The following PHF2 variants were observed in gnomAD, a reference collection of about 807,000 sequenced individuals.
The protein encoded by PHF2 is PHD finger protein 2.
A neutral mutation model predicts 120.5 loss-of-function variants in PHF2; 27 were observed. That is an observed-to-expected ratio of 0.22 (90% CI 0.17 to 0.31). PHF2 has a LOEUF of 0.31. Ranked by LOEUF, PHF2 falls within the 10% of genes least tolerant of loss-of-function variation. The probability of loss-of-function intolerance (pLI) is 1.00; values close to 1 mark genes in which losing one functional copy is unlikely to be tolerated. For missense variants in PHF2, 1,024 were observed against 1,434.8 expected (o/e 0.71, Z 4.63); for synonymous variants, 568 against 592.5 (o/e 0.96, Z 0.60).
intron 6 of PHF2, 123 bp downstream of exon 6, chr9:93,653,488 T>C (rs1479263596): frequency 3.0e-6 from 3 of 990,372 alleles, no homozygotes; most frequent in Non-Finnish European, 4.5e-6. Flanking sequence ...CCCTGGACTG[T>C]CCATCCCTGG....
At chr9:93,588,836 A>G (rs1863115170) in intron 1 of PHF2, among the ~76,000 whole-genome samples, 1 of 152,212 alleles carries the variant, frequency 6.6e-6, no homozygotes, top group Admixed American at 6.5e-5. Context: ...AGTTGCAGTG[A>G]GCCGAAACTG....
At position 93,679,486 on chromosome 9, in the gene PHF2, T is replaced by C. The variant is rs1826982864; in HGVS notation, c.*1810T>C. ...AGTTTATCGTGGCTATTAAAGTGTT[T>C]TATTTCCCAATTCATATTACTCTTG... On this transcript the variant is annotated 3_prime_UTR_variant, in exon 22 of 22. Coordinates refer to ENST00000359246, the MANE Select transcript of PHF2 (RefSeq NM_005392.4). 1 of 304,234 alleles carries C rather than the reference T, an allele frequency of 3.3e-6. No homozygotes were observed. The highest frequency in any genetic ancestry group is 9.9e-5 in the East Asian group (1 of 10,058). The allele number at this position is 304,234 out of a possible 1,614,324, so 18.8% of individuals were successfully genotyped here.
Position 93,676,625 on chromosome 9 carries a change from C to A in PHF2, c.2864C>A (p.Ala955Asp). 6.2e-7 allele frequency: 1 copy of A among 1,606,258 alleles called. No individual in the cohort carries two copies. The highest frequency in any genetic ancestry group is 8.5e-7 in the Non-Finnish European group (1 of 1,174,786). ...EEQKSKKKKS[A>D]KRKLTPNTTS... Reference sequence around the variant, plus strand: ...CAGAAAAGCAAGAAAAAAAAGAGTGCCAAGAGGAAGCTGACTCCTAACACC... The same window carrying A: ...CAGAAAAGCAAGAAAAAAAAGAGTGACAAGAGGAAGCTGACTCCTAACACC... The change falls in exon 21 of 22, where the codon GCC becomes GAC. Residue 955 changes from alanine (A) to aspartate (D), a missense_variant. Physicochemically the swap from Ala to Asp is moderately radical, Grantham distance 126. This residue lies in a region of PHF2 where 677 missense variants were observed against 857.4 expected (regional missense o/e 0.79). Coordinates refer to ENST00000359246, the MANE Select transcript of PHF2 (RefSeq NM_005392.4).
rs1826983278 is a variant in PHF2 at position 93,679,500 on chromosome 9, A to T, written c.*1824A>T. 3.3e-6 allele frequency: 1 copy of T among 301,564 alleles called. No individual in the cohort carries two copies. The highest frequency in any genetic ancestry group is 6.4e-6 in the Non-Finnish European group (1 of 155,282). The allele number at this position is 301,564 out of a possible 1,614,324, so 18.7% of individuals were successfully genotyped here. ...ATTAAAGTGTTTTATTTCCCAATTC[A>T]TATTACTCTTGTATCGAGTCCATGA... On this transcript the variant is annotated 3_prime_UTR_variant, in exon 22 of 22. Transcript: ENST00000359246.
intron 2 of PHF2, among the ~76,000 whole-genome samples, chr9:93,630,514 G>T (rs536425348): frequency 6.6e-6 from 1 of 152,268 alleles, no homozygotes; most frequent in Admixed American, 6.5e-5. Flanking sequence ...TTCCAGCCCC[G>T]CCTCATGCCA....
In PHF2 at chr9:93,645,923, C is replaced by T. The variant is rs117879309; in HGVS notation, c.460+134C>T. ...TGAGCAGTGGAGCCTCAAGGCTCAC[C>T]GTACTCTGTTCCCGGTGCTCTTAGT... On this transcript the variant is annotated intron_variant, in intron 4 of 21. Coordinates refer to ENST00000359246, the MANE Select transcript of PHF2 (RefSeq NM_005392.4). 700 of 997,158 alleles carry T rather than the reference C, an allele frequency of 7.0e-4. 4 individuals are homozygous for T. Among genetic ancestry groups the T allele is most frequent in the East Asian group, 5.3e-3 (184 of 34,964 alleles). The allele number at this position is 997,158 out of a possible 1,614,324, so 61.8% of individuals were successfully genotyped here.
chr9:93,620,351 C>T (rs1350693917), intron 1 of PHF2, among the ~76,000 whole-genome samples: 2 of 152,232 alleles, frequency 1.3e-5, no homozygotes, highest in Admixed American at 6.5e-5. Flanking sequence ...CACGCTGGGG[C>T]AGGGGCAGCA....
intron 1 of PHF2, among the ~76,000 whole-genome samples, chr9:93,580,792 G>T (rs1196038450): frequency 6.6e-6 from 1 of 152,180 alleles, no homozygotes; most frequent in Non-Finnish European, 1.5e-5. Context: ...TTCAGAGCTG[G>T]CTGTGAGGGC....
intron 3 of PHF2, among the ~76,000 whole-genome samples, chr9:93,641,500 A>G (rs565451084): frequency 1.5e-4 from 23 of 152,362 alleles, no homozygotes; most frequent in Non-Finnish European, 3.1e-4. Context: ...TCTGATGAAT[A>G]TAAGAAAAGT....
intron 12 of PHF2, among the ~76,000 whole-genome samples, chr9:93,661,855 AATGG>A (rs563850461): frequency 3.0e-4 from 45 of 151,030 alleles, no homozygotes; most frequent in Non-Finnish European, 1.3e-4. Flanking sequence ...TTGATGAATA[AATGG>A]ATGGATGGAT....
At position 93,629,924 on chromosome 9, in the gene PHF2, G is replaced by A. The variant is rs751855101; in HGVS notation, c.99-46G>A. 5.1e-6 allele frequency: 8 copies of A among 1,570,130 alleles called. No individual in the cohort carries two copies. In the African/African-American group the frequency reaches 5.4e-5, roughly 11 times the overall value. On this transcript the variant is annotated intron_variant, in intron 1 of 21. Coordinates refer to ENST00000359246, the MANE Select transcript of PHF2 (RefSeq NM_005392.4). ...AGCTTCGCAGATGGAAAGTGCTTGA[G>A]GGGGTGCTGAATGCCTAGGTAATGG...
At chr9:93,646,043 C>A (rs1458699684) in intron 4 of PHF2, among the ~76,000 whole-genome samples, 1 of 152,188 alleles carries the variant, frequency 6.6e-6, no homozygotes, top group Non-Finnish European at 1.5e-5. Flanking sequence ...GTCTGGGAGA[C>A]CCTTTGATTC....
Position 93,679,519 on chromosome 9 carries a change from T to C in PHF2, c.*1843T>C. 3.6e-6 allele frequency: 1 copy of C among 276,314 alleles called. No homozygotes were observed. The highest frequency in any genetic ancestry group is 3.3e-5 in the South Asian group (1 of 30,656). 17.1% of individuals were successfully genotyped at this position (276,314 alleles called of 1,614,324 possible). A position where few individuals can be genotyped will look rare whatever the true frequency, so the allele number is the denominator to read the frequency against. On this transcript the variant is annotated 3_prime_UTR_variant, in exon 22 of 22. Transcript: ENST00000359246. Reference sequence around the variant, plus strand: ...CAATTCATATTACTCTTGTATCGAGTCCATGAGGTCTAAGGCAACTTAGAT... The same window carrying C: ...CAATTCATATTACTCTTGTATCGAGCCCATGAGGTCTAAGGCAACTTAGAT...
At position 93,648,499 on chromosome 9, in the gene PHF2, A is replaced by C. The variant is rs571385458; in HGVS notation, c.461-572A>C. On this transcript the variant is annotated intron_variant, in intron 4 of 21. Coordinates refer to ENST00000359246, the MANE Select transcript of PHF2 (RefSeq NM_005392.4). ...TTTGTGGTCAGAGCAGCCATGGAGAACTATTGCAAAGGGCGACTGGCAATT... is the reference window on the plus strand; with the variant it reads ...TTTGTGGTCAGAGCAGCCATGGAGACCTATTGCAAAGGGCGACTGGCAATT... Among the ~76,000 whole-genome samples the C allele has an allele frequency of 2.6e-5, 4 of 152,296 alleles. No individual in the cohort carries two copies. The South Asian group carries it at 8.3e-4, about 32-fold the overall frequency.
chr9:93,605,491 T>G (rs1402372852), intron 1 of PHF2, among the ~76,000 whole-genome samples: 1 of 152,242 alleles, frequency 6.6e-6, no homozygotes, highest in East Asian at 1.9e-4. Context: ...AAGTCCTCTG[T>G]GCTCTGCCTA....
Position 93,649,081 on chromosome 9 carries a change from G to C in PHF2, c.471G>C (p.Arg157=). ...SDVENYVGPE[R]SVDVTDVTKQ... ...CCACCACCTCCCTAGGGCCGGAACG[G>C]AGTGTGGATGTGACAGATGTCACCA... The change falls in exon 5 of 22, where the codon CGG becomes CGC. Residue 157 remains arginine (R), a synonymous_variant. Transcript: ENST00000359246. 1 of 1,551,334 alleles carries C rather than the reference G, an allele frequency of 6.4e-7. No individual in the cohort carries two copies. Among genetic ancestry groups the C allele is most frequent in the Non-Finnish European group, 8.7e-7 (1 of 1,146,960 alleles).
chr9:93,649,604 G>A (rs778772813), intron 5 of PHF2, among the ~76,000 whole-genome samples: 2 of 151,664 alleles, frequency 1.3e-5, no homozygotes, highest in Non-Finnish European at 2.9e-5. Context: ...ACACATCTAT[G>A]ACACACCCAC....
chr9:93,626,936 A>T (rs140197509), intron 1 of PHF2, among the ~76,000 whole-genome samples: 2 of 152,220 alleles, frequency 1.3e-5, no homozygotes, highest in Admixed American at 6.5e-5. Context: ...CCATTGATCT[A>T]TATGTCTATC....
chr9:93,667,271 G>A (rs375279354), intron 17 of PHF2, 31 bp downstream of exon 17: 20 of 1,595,226 alleles, frequency 1.3e-5, no homozygotes, highest in Non-Finnish European at 1.7e-5. Context: ...GCACCCAAGA[G>A]CGGGGACCAG....
Sources: allele counts gnomAD v4.1 joint callset (sites outside exome capture counted in the v4.1 genomes callset), GRCh38; gene constraint gnomAD v4.1.1; regional missense constraint gnomAD v4.1.1; transcripts MANE v1.5; gene names NCBI Gene and HGNC (gene_info 2026-07-23, HGNC 2026-07-21).